Variants in FANCA observed in about 807,000 individuals in gnomAD.
FANCA encodes FA complementation group A, also known as Fanconi anemia group A protein.
A neutral mutation model predicts 194.3 loss-of-function variants in FANCA; 236 were observed. The observed-to-expected ratio is 1.21, with a 90% CI of 1.09 to 1.35. FANCA has a LOEUF of 1.35. Among genes scored for constraint, FANCA ranks in the 40% most tolerant of loss-of-function variants. The pLI is 0.00. For synonymous variants in FANCA, 1,014 were observed against 715.8 expected, an observed-to-expected ratio of 1.42 and a Z score of -6.65; for missense variants, 2,628 against 1,813.9, an observed-to-expected ratio of 1.45 and a Z score of -8.15.
chr16:89,737,873 C>G lies in FANCA; in HGVS notation c.*728G>C. 6.2e-7 allele frequency: 1 copy of G among 1,614,194 alleles called. No individual in the cohort carries two copies. Among genetic ancestry groups the G allele is most frequent in the Middle Eastern group, 1.6e-4 (1 of 6,062 alleles). Reference sequence around the variant, plus strand: ...AGCAGCGGAAGCACCTTCTCGTCCACCAAATGCGACATTCGGGAGCCAAGC... The same window carrying G: ...AGCAGCGGAAGCACCTTCTCGTCCAGCAAATGCGACATTCGGGAGCCAAGC... On this transcript the variant is annotated 3_prime_UTR_variant, in exon 43 of 43. Coordinates refer to ENST00000389301, the MANE Select transcript of FANCA (RefSeq NM_000135.4).
rs759877008 is a variant in FANCA at position 89,805,275 on chromosome 16, C to T, written c.709+5G>A. 9.3e-6 allele frequency: 15 copies of T among 1,608,624 alleles called. 1 individual carries two copies. The highest frequency in any genetic ancestry group is 7.7e-5 in the South Asian group (7 of 90,904). ...CCAAGAACCCGCATCTTGTCATGAA[C>T]GCACCAGAAAGCATGGCCCTGGCGA... is the stretch of plus-strand genomic sequence containing the variant. On this transcript the variant is annotated splice_donor_5th_base_variant and intron_variant, in intron 7 of 42. Transcript: ENST00000389301.
intron 8 of FANCA, 28 bp from the exon 9 acceptor site, chr16:89,799,666 C>T (rs762740151): frequency 1.3e-6 from 2 of 1,578,054 alleles, no homozygotes; most frequent in East Asian, 2.2e-5. Flanking sequence ...GAGTTACCAT[C>T]TTGGTAATCT....
intron 33 of FANCA, among the ~76,000 whole-genome samples, 183 bp downstream of exon 33, chr16:89,748,476 T>A (rs2038467356): frequency 6.6e-6 from 1 of 152,240 alleles, no homozygotes; most frequent in South Asian, 2.1e-4. Flanking sequence ...GATGTGCTGG[T>A]CGCCGTCCTG....
Position 89,788,369 on chromosome 16 carries a change from G to C in FANCA, c.1359+3034C>G, listed in dbSNP as rs1233627619. On this transcript the variant is annotated intron_variant, in intron 14 of 42. Transcript: ENST00000389301. ...CCAGCTACTCAGGAGGCTGAAACAG[G>C]AGAATCGCTTGAACCCAGGAGGTGG... 3.9e-5 allele frequency among the ~76,000 whole-genome samples: 6 copies of C among 152,238 alleles called. No homozygotes were observed. The East Asian group carries it at 1.2e-3, about 30-fold the overall frequency.
intron 6 of FANCA, among the ~76,000 whole-genome samples, chr16:89,807,032 T>C (rs2040681724): frequency 6.6e-6 from 1 of 152,138 alleles, no homozygotes; most frequent in African/African-American, 2.4e-5. Context: ...TCATTCTTAA[T>C]CTAACTTGTT....
intron 3 of FANCA, 123 bp from the exon 4 acceptor site, chr16:89,811,194 G>C: frequency 1.7e-6 from 2 of 1,201,136 alleles, no homozygotes; most frequent in Non-Finnish European, 2.4e-6. Flanking sequence ...CTTTTAAACG[G>C]GGAGAATAGA....
In FANCA at chr16:89,739,298, A is replaced by G. The variant is rs2151712130; in HGVS notation, c.4011-9T>C. 1 of 1,614,144 alleles carries G rather than the reference A, an allele frequency of 6.2e-7. No individual in the cohort carries two copies. Among genetic ancestry groups the G allele is most frequent in the Non-Finnish European group, 8.5e-7 (1 of 1,180,022 alleles). Reference sequence around the variant, plus strand: ...GGAAGTAGGAGAGAAGACTAGAGGTAAAGACATAGTGACAAATGGCTACAG... The same window carrying G: ...GGAAGTAGGAGAGAAGACTAGAGGTGAAGACATAGTGACAAATGGCTACAG... On this transcript the variant is annotated splice_polypyrimidine_tract_variant and intron_variant, in intron 40 of 42. Coordinates refer to ENST00000389301, the MANE Select transcript of FANCA (RefSeq NM_000135.4).
intron 27 of FANCA, 135 bp from the exon 28 acceptor site, chr16:89,765,201 C>A: frequency 9.2e-7 from 1 of 1,086,740 alleles, no homozygotes; most frequent in Non-Finnish European, 1.4e-6. Flanking sequence ...TCAGTCCAGC[C>A]CCTGGGAGGG....
chr16:89,756,535 G>A (rs1440366175), intron 30 of FANCA, among the ~76,000 whole-genome samples: 2 of 152,198 alleles, frequency 1.3e-5, no homozygotes, highest in African/African-American at 2.4e-5. Flanking sequence ...TGAAGCAGGA[G>A]GATCACTTGA....
At chr16:89,770,942 G>A (rs547926425) in intron 23 of FANCA, among the ~76,000 whole-genome samples, 1 of 152,012 alleles carries the variant, frequency 6.6e-6, no homozygotes, top group Non-Finnish European at 1.5e-5. Context: ...AGCCTCTGTC[G>A]CATATTCTAA....
Position 89,816,563 on chromosome 16 carries a change from C to T in FANCA, c.53G>A (p.Arg18His), listed in dbSNP as rs772693509. The change falls in exon 1 of 43, where the codon CGC becomes CAC. Residue 18 changes from arginine (R) to histidine (H), a missense_variant. By Grantham distance (29) the Arg-to-His change is conservative. Transcript: ENST00000389301. ...CAGCAGCTCGGCCCAGGCCCTCCGG[C>T]GGCCCCCTGGGTCCTGGCCCGAGGC... ...NSASGQDPGG[R>H]RRAWAELLAG... 1.8e-5 allele frequency: 27 copies of T among 1,512,660 alleles called. No homozygotes were observed. Among genetic ancestry groups the T allele is most frequent in the Non-Finnish European group, 2.3e-5 (26 of 1,138,392 alleles). The allele number at this position is 1,512,660 out of a possible 1,614,324, so 93.7% of individuals were successfully genotyped here. A position where few individuals can be genotyped will look rare whatever the true frequency, so the allele number is the denominator to read the frequency against.
intron 36 of FANCA, among the ~76,000 whole-genome samples, chr16:89,744,020 C>G (rs2062191004): frequency 6.6e-6 from 1 of 152,002 alleles, no homozygotes; most frequent in Non-Finnish European, 1.5e-5. Flanking sequence ...GCCTCAGCCT[C>G]CTGAGTAGCT....
At chr16:89,764,078 C>T (rs374311296) in intron 28 of FANCA, among the ~76,000 whole-genome samples, 2 of 151,620 alleles carry the variant, frequency 1.3e-5, no homozygotes, top group East Asian at 2.0e-4. Flanking sequence ...CCCGTCTGTA[C>T]TAAAGATACC....
chr16:89,803,764 G>A (rs967720158), intron 7 of FANCA, among the ~76,000 whole-genome samples: 1 of 151,864 alleles, frequency 6.6e-6, no homozygotes, highest in African/African-American at 2.4e-5. Context: ...TGGGAATATA[G>A]GCGCCGCCAC....
Position 89,746,435 on chromosome 16 carries a change from A to G in FANCA, c.3513+149T>C, listed in dbSNP as rs565790419. 5 of 716,362 alleles carry G rather than the reference A, an allele frequency of 7.0e-6. No individual in the cohort carries two copies. The African/African-American group carries it at 7.2e-5, about 10-fold the overall frequency. 44.4% of individuals were successfully genotyped at this position (716,362 alleles called of 1,614,324 possible). ...CGGCCCTCATCTGCTATGAGCTGGC[A>G]TCTTTAACTGTGGCTTCCATGTCTC... On this transcript the variant is annotated intron_variant, in intron 35 of 42. Transcript: ENST00000389301.
chr16:89,756,801 GA>G (rs1328349928), intron 30 of FANCA, among the ~76,000 whole-genome samples: 2 of 152,178 alleles, frequency 1.3e-5, no homozygotes, highest in Non-Finnish European at 2.9e-5. Flanking sequence ...TTCTCAGACA[GA>G]AACGTTTAAG....
At chr16:89,754,033 C>G (rs7205993) in intron 30 of FANCA, among the ~76,000 whole-genome samples, 64,968 of 151,592 alleles carry the variant, frequency 0.43, 15,319 homozygotes, top group East Asian at 0.76. Flanking sequence ...CAGCCTGGGA[C>G]ACACAGCGAC....
At chr16:89,766,831 C>CA (rs1275316856) in intron 27 of FANCA, among the ~76,000 whole-genome samples, 5 of 152,248 alleles carry the variant, frequency 3.3e-5, no homozygotes, top group Admixed American at 2.6e-4. Context: ...TCTTTTAATT[C>CA]ATCTATCCTA....
intron 40 of FANCA, 39 bp downstream of exon 40, chr16:89,739,439 A>T: frequency 6.4e-7 from 1 of 1,553,504 alleles, no homozygotes; most frequent in East Asian, 2.4e-5. Flanking sequence ...GGTCTGGGAA[A>T]CACTGCCCAG....
Sources: allele counts gnomAD v4.1 joint callset (sites outside exome capture counted in the v4.1 genomes callset), GRCh38; gene constraint gnomAD v4.1.1; transcripts MANE v1.5; gene names NCBI Gene and HGNC (gene_info 2026-07-23, HGNC 2026-07-21).